The following LATS2 variants were observed in gnomAD, a reference collection of about 807,000 sequenced individuals.
The protein encoded by LATS2 is large tumor suppressor kinase 2, also known as serine/threonine-protein kinase LATS2.
In LATS2, 24 loss-of-function variants were observed where a neutral mutation model predicts 76.0. The ratio of observed to expected loss-of-function variants is 0.32; its 90% CI spans 0.23 to 0.44. The LOEUF (loss-of-function observed/expected upper bound fraction) is 0.44, where lower values mean the gene tolerates loss of function less well. LATS2 is among the 20% of genes least tolerant of loss of function. The probability of loss-of-function intolerance (pLI) is 1.00; values close to 1 mark genes in which losing one functional copy is unlikely to be tolerated. For missense variants in LATS2, 1,286 were observed against 1,481.2 expected (o/e 0.87, Z 2.16); for synonymous variants, 692 against 635.4 (o/e 1.09, Z -1.34).
intron 2 of LATS2, among the ~76,000 whole-genome samples, chr13:21,026,097 GC>G (rs963513949): frequency 6.6e-6 from 1 of 152,136 alleles, no homozygotes; most frequent in Non-Finnish European, 1.5e-5. Flanking sequence ...CCCATCGGAT[GC>G]CCCACCCTCC....
At chr13:20,977,634 T>TAA (rs1869683178) in intron 7 of LATS2, among the ~76,000 whole-genome samples, 1 of 151,626 alleles carries the variant, frequency 6.6e-6, no homozygotes, top group South Asian at 2.1e-4. Flanking sequence ...AAATGGTAAT[T>TAA]AAAATAATTA....
chr13:21,002,782 T>A (rs943975930), intron 2 of LATS2, among the ~76,000 whole-genome samples: 13 of 152,128 alleles, frequency 8.5e-5, no homozygotes, highest in African/African-American at 2.9e-4. Flanking sequence ...AGCCTCTAAC[T>A]CCTGGGCTCA....
At chr13:20,992,466 G>A (rs1870548654) in intron 2 of LATS2, among the ~76,000 whole-genome samples, 2 of 152,292 alleles carry the variant, frequency 1.3e-5, no homozygotes, top group South Asian at 4.1e-4. Flanking sequence ...GCGCGGGGCG[G>A]TGAGGCTCTG....
Position 21,059,619 on chromosome 13 carries a change from A to C in LATS2, c.-205+1727T>G, listed in dbSNP as rs893276518. Among the ~76,000 whole-genome samples the C allele has an allele frequency of 1.3e-4, 20 of 150,412 alleles. 1 individual carries two copies. In the South Asian group the frequency reaches 1.5e-3, roughly 11 times the overall value. On this transcript the variant is annotated intron_variant, in intron 1 of 7. Coordinates refer to ENST00000382592, the MANE Select transcript of LATS2 (RefSeq NM_014572.3). ...CAAAAAACAACAACAACAACAACAA[A>C]AAACACTCATATCCATCCTAGAGAA... is the stretch of plus-strand genomic sequence containing the variant.
chr13:21,036,029 G>C (rs781116052), intron 2 of LATS2, among the ~76,000 whole-genome samples: 2 of 152,188 alleles, frequency 1.3e-5, no homozygotes, highest in Admixed American at 6.5e-5. Context: ...CTCCTGAGTA[G>C]CTGGGACTAC....
intron 2 of LATS2, among the ~76,000 whole-genome samples, chr13:21,025,699 T>G (rs1872285169): frequency 2.0e-5 from 3 of 152,164 alleles, no homozygotes. Context: ...ACAACATTAT[T>G]TGGACATACT....
At chr13:21,032,133 C>T (rs987385114) in intron 2 of LATS2, among the ~76,000 whole-genome samples, 6 of 152,198 alleles carry the variant, frequency 3.9e-5, no homozygotes, top group Non-Finnish European at 8.8e-5. Context: ...AAAAACAATA[C>T]TGTTGATAAT....
At chr13:21,044,787 G>A (rs1009860546) in intron 2 of LATS2, among the ~76,000 whole-genome samples, 3 of 151,556 alleles carry the variant, frequency 2.0e-5, no homozygotes, top group African/African-American at 7.3e-5. Context: ...TTGGAGTGCA[G>A]TGGCTATCAT....
At chr13:20,998,832 T>TGTGCACGC in intron 2 of LATS2, among the ~76,000 whole-genome samples, 1 of 152,120 alleles carries the variant, frequency 6.6e-6, no homozygotes, top group African/African-American at 2.4e-5. Context: ...GCAGCGACAT[T>TGTGCACGC]GTGCACGCCG....
At chr13:21,035,409 T>C (rs766828593) in intron 2 of LATS2, among the ~76,000 whole-genome samples, 1 of 152,204 alleles carries the variant, frequency 6.6e-6, no homozygotes, top group African/African-American at 2.4e-5. Context: ...CATCCACAAA[T>C]GGTTTGGCAA....
At position 20,993,999 on chromosome 13, in the gene LATS2, G is replaced by A. The variant is rs531637232; in HGVS notation, c.343-2595C>T. On this transcript the variant is annotated intron_variant, in intron 2 of 7. Transcript: ENST00000382592. ...CTCCTGCAGGGTGAATCACCAGCCT[G>A]TGCTCATTAACCCAGTACCTGTTGA... Among the ~76,000 whole-genome samples the A allele has an allele frequency of 1.1e-4, 16 of 152,336 alleles. No individual in the cohort carries two copies. In the East Asian group the frequency reaches 2.9e-3, roughly 28 times the overall value.
rs535172813 is a variant in LATS2, at chr13:20,982,591, G to A, written c.2482+633C>T. Among the ~76,000 whole-genome samples the A allele has an allele frequency of 8.1e-4, 123 of 152,102 alleles. 1 individual carries two copies. Among genetic ancestry groups the A allele is most frequent in the Non-Finnish European group, 1.5e-3 (104 of 68,020 alleles). ...CTTTCAAAGTGCTAGGATTACAGGC[G>A]TGAGCCACCATGCCCAGCCAAATCT... On this transcript the variant is annotated intron_variant, in intron 5 of 7. Coordinates refer to ENST00000382592, the MANE Select transcript of LATS2 (RefSeq NM_014572.3).
chr13:21,059,686 T>C lies in LATS2; in HGVS notation c.-205+1660A>G, dbSNP rs116733785. On this transcript the variant is annotated intron_variant, in intron 1 of 7. Transcript: ENST00000382592. ...GTTCTTGTTCAAAATTCTTGTCAGG[T>C]GGGGCGCGGTGGCTCACGCCTGTAA... is the stretch of plus-strand genomic sequence containing the variant. Among the ~76,000 whole-genome samples the C allele has an allele frequency of 9.1e-3, 1,350 of 148,714 alleles. 32 individuals are homozygous for C. Among genetic ancestry groups the C allele is most frequent in the African/African-American group, 0.032 (1,287 of 40,326 alleles).
At chr13:21,040,092 G>C (rs1204065198) in intron 2 of LATS2, among the ~76,000 whole-genome samples, 3 of 150,128 alleles carry the variant, frequency 2.0e-5, no homozygotes, top group Non-Finnish European at 4.4e-5. Flanking sequence ...AAAAAAGAAA[G>C]AAAGAAATTT....
rs1277650327 is a variant in LATS2, at chr13:21,007,666, GTGTA to G, written c.343-16266_343-16263del. Among the ~76,000 whole-genome samples the G allele has an allele frequency of 4.4e-4, 2 of 4,594 alleles. 1 individual carries two copies. The highest frequency in any genetic ancestry group is 2.5e-3 in the African/African-American group (2 of 810). The allele number at this position is 4,594 out of a possible 152,430, so 3.0% of individuals were successfully genotyped here. On this transcript the variant is annotated intron_variant, in intron 2 of 7. Transcript: ENST00000382592. ...TATAGTGTGTGTATATATATATAGTGTGTATATATATATATAGTATATATATATA... is the reference window on the plus strand; with the variant it reads ...TATAGTGTGTGTATATATATATAGTGTATATATATATAGTATATATATATA...
chr13:21,030,591 C>CAAAAAAAAAAAAA (rs374884189), intron 2 of LATS2, among the ~76,000 whole-genome samples: 31 of 25,456 alleles, frequency 1.2e-3, no homozygotes, highest in South Asian at 3.6e-3. Flanking sequence ...GACTCCGTCT[C>CAAAAAAAAAAAAA]AAAAAAAAAA....
At chr13:20,999,863 CAAA>C (rs34389397) in intron 2 of LATS2, among the ~76,000 whole-genome samples, 1 of 136,194 alleles carries the variant, frequency 7.3e-6, no homozygotes, top group Admixed American at 7.5e-5. Context: ...ACTAAACATA[CAAA>C]AAAAAAAAAA....
At chr13:20,979,165 C>G (rs1030052432) in intron 7 of LATS2, among the ~76,000 whole-genome samples, 1 of 152,166 alleles carries the variant, frequency 6.6e-6, no homozygotes, top group Non-Finnish European at 1.5e-5. Context: ...GGATCTAATA[C>G]ATATAAAATA....
intron 2 of LATS2, among the ~76,000 whole-genome samples, chr13:21,007,571 A>ATATAGTG (rs1555225438): frequency 2.2e-4 from 4 of 18,510 alleles, no homozygotes; most frequent in African/African-American, 6.4e-4. Context: ...ATATATATAT[A>ATATAGTG]TATATATATA....
Sources: gnomAD v4.1 joint callset for allele counts (sites outside exome capture counted in the v4.1 genomes callset) on GRCh38, gnomAD v4.1.1 for gene constraint, MANE v1.5 for transcripts, NCBI Gene and HGNC (gene_info 2026-07-23, HGNC 2026-07-21) for gene names.